The following PBLD variants were observed in gnomAD, a reference collection of about 807,000 sequenced individuals.
PBLD encodes phenazine biosynthesis-like domain-containing protein.
In PBLD, 26 loss-of-function variants were observed where a neutral mutation model predicts 31.3. The observed-to-expected ratio is 0.83, with a 90% CI of 0.61 to 1.15. PBLD has a LOEUF of 1.15. PBLD is among the 50% of genes most tolerant of loss of function. The probability of loss-of-function intolerance (pLI) is 0.00; values close to 1 mark genes in which losing one functional copy is unlikely to be tolerated. For missense variants in PBLD, 307 were observed against 351.7 expected (o/e 0.87, Z 1.02); for synonymous variants, 114 against 129.0 (o/e 0.88, Z 0.79).
chr10:68,295,494 G>GAAAAAA (rs11390819), intron 4 of PBLD, among the ~76,000 whole-genome samples: 1 of 127,630 alleles, frequency 7.8e-6, no homozygotes, highest in Non-Finnish European at 1.7e-5. Context: ...CCCCATCTCA[G>GAAAAAA]AAAAAAAAAA....
rs901797418 is a variant in PBLD at position 68,310,065 on chromosome 10, G to A, written c.-59-3162C>T. Among the ~76,000 whole-genome samples the A allele has an allele frequency of 5.4e-5, 8 of 149,512 alleles. 1 individual carries two copies. Among genetic ancestry groups the A allele is most frequent in the African/African-American group, 2.0e-4 (8 of 40,534 alleles). On this transcript the variant is annotated intron_variant, in intron 1 of 9. Coordinates refer to ENST00000358769, the MANE Select transcript of PBLD (RefSeq NM_022129.4). ...GCAGGAGAATTGCTTGAACCTGGGA[G>A]GCTGAGGTTGCAGTGAGCTGAGATT...
In PBLD at chr10:68,296,052, T is replaced by C. The variant is rs2120900; in HGVS notation, c.283+214A>G. 328,388 of 400,790 alleles carry C rather than the reference T, an allele frequency of 0.82. 135,541 individuals carry two copies. Among genetic ancestry groups the C allele is most frequent in the Middle Eastern group, 0.87 (1,327 of 1,526 alleles). 24.8% of individuals were successfully genotyped at this position (400,790 alleles called of 1,614,324 possible). On this transcript the variant is annotated intron_variant, in intron 4 of 9. Coordinates refer to ENST00000358769, the MANE Select transcript of PBLD (RefSeq NM_022129.4). The stretch of plus-strand genomic sequence containing the variant: ...AAAATAAAATAAAATAGCATTCTGA[T>C]CGCAGCTTTCCAATGATGCTGGGCA...
At chr10:68,324,594 AC>A (rs1336454382) in intron 1 of PBLD, among the ~76,000 whole-genome samples, 1 of 147,626 alleles carries the variant, frequency 6.8e-6, no homozygotes, top group African/African-American at 2.6e-5. Context: ...CCCAATATCT[AC>A]CCTCCACACT....
intron 1 of PBLD, chr10:68,331,391 CAG>C (rs948838341): frequency 6.6e-6 from 1 of 152,268 alleles, no homozygotes; most frequent in African/African-American, 2.4e-5. Context: ...GAAGGATTTG[CAG>C]AGAGAACGGT....
intron 1 of PBLD, among the ~76,000 whole-genome samples, chr10:68,325,202 C>T (rs1193260785): frequency 6.6e-6 from 1 of 152,024 alleles, no homozygotes; most frequent in Non-Finnish European, 1.5e-5. Flanking sequence ...TGAGACTGTG[C>T]CACTGCACTC....
intron 4 of PBLD, among the ~76,000 whole-genome samples, chr10:68,294,366 C>T (rs544597652): frequency 6.6e-6 from 1 of 152,278 alleles, no homozygotes; most frequent in Admixed American, 6.5e-5. Flanking sequence ...AAGGAAGTAC[C>T]ATAGGGTACA....
rs956837633 is a variant in PBLD at position 68,290,720 on chromosome 10, TA to T, written c.423+1289del. Among the ~76,000 whole-genome samples the T allele has an allele frequency of 3.3e-5, 5 of 150,568 alleles. No individual in the cohort carries two copies. In the East Asian group the frequency reaches 7.7e-4, roughly 23 times the overall value. ...CAACAAGAGCAAACTCCGTCTCAAA[TA>T]AAAAAAAAGGTTTAATTCTTGGCTG... On this transcript the variant is annotated intron_variant, in intron 6 of 9. Coordinates refer to ENST00000358769, the MANE Select transcript of PBLD (RefSeq NM_022129.4).
intron 1 of PBLD, among the ~76,000 whole-genome samples, chr10:68,309,392 G>C (rs901766469): frequency 1.0e-5 from 1 of 99,320 alleles, no homozygotes; most frequent in Non-Finnish European, 2.0e-5. Flanking sequence ...AGACAACAGA[G>C]TGAGATTATG....
At chr10:68,296,112 G>A (rs2044423205) in intron 4 of PBLD, 154 bp downstream of exon 4, 6 of 519,470 alleles carry the variant, frequency 1.2e-5, no homozygotes, top group Admixed American at 3.4e-5. Context: ...ATTGAAGGTC[G>A]CTGGTTTTGT....
At chr10:68,301,715 T>C (rs2044508354) in intron 2 of PBLD, among the ~76,000 whole-genome samples, 1 of 152,168 alleles carries the variant, frequency 6.6e-6, no homozygotes. Context: ...TCTTTAAAAG[T>C]ATTAAAACAT....
chr10:68,310,778 A>T (rs10762221), intron 1 of PBLD, among the ~76,000 whole-genome samples: 120,095 of 148,408 alleles, frequency 0.81, 50,000 homozygotes, highest in Non-Finnish European at 0.89. Flanking sequence ...AATGATGGGA[A>T]TTCTTTCTTC....
At chr10:68,307,293 G>T (rs946933669) in intron 1 of PBLD, among the ~76,000 whole-genome samples, 6 of 152,114 alleles carry the variant, frequency 3.9e-5, no homozygotes, top group African/African-American at 1.4e-4. Flanking sequence ...GCCTCAAAAA[G>T]TGCTGAGATT....
At chr10:68,286,509 T>A (rs1300676118) in intron 8 of PBLD, among the ~76,000 whole-genome samples, 2 of 152,156 alleles carry the variant, frequency 1.3e-5, no homozygotes, top group Non-Finnish European at 2.9e-5. Flanking sequence ...CTATTATTTT[T>A]AAATTTTTCT....
chr10:68,315,406 G>A (rs969176771), intron 1 of PBLD, among the ~76,000 whole-genome samples: 2 of 151,920 alleles, frequency 1.3e-5, no homozygotes, highest in African/African-American at 4.8e-5. Flanking sequence ...CCAACATGGT[G>A]AAACCCTGTC....
intron 2 of PBLD, 54 bp downstream of exon 2, chr10:68,306,707 G>A: frequency 6.7e-7 from 1 of 1,491,026 alleles, no homozygotes; most frequent in East Asian, 2.3e-5. Context: ...ATAAGTAATT[G>A]TTTCTACAGG....
chr10:68,300,496 C>A (rs1358483627), intron 2 of PBLD, among the ~76,000 whole-genome samples: 1 of 152,182 alleles, frequency 6.6e-6, no homozygotes, highest in Non-Finnish European at 1.5e-5. Flanking sequence ...CACGGCAACA[C>A]AACTAAGGGG....
At chr10:68,298,885 T>G (rs1194779156) in intron 2 of PBLD, among the ~76,000 whole-genome samples, 1 of 151,860 alleles carries the variant, frequency 6.6e-6, no homozygotes, top group Non-Finnish European at 1.5e-5. Flanking sequence ...GGCAGGTGGA[T>G]CACGAGGTCA....
chr10:68,325,181 T>C (rs1589676630), intron 1 of PBLD, among the ~76,000 whole-genome samples: 1 of 151,880 alleles, frequency 6.6e-6, no homozygotes, highest in African/African-American at 2.4e-5. Flanking sequence ...GAGGCGGAAG[T>C]TGCAGTGAGC....
intron 6 of PBLD, among the ~76,000 whole-genome samples, chr10:68,290,516 G>A (rs898781845): frequency 5.3e-5 from 8 of 152,098 alleles, no homozygotes; most frequent in Admixed American, 3.3e-4. Context: ...TCAGGAGTTC[G>A]AGACCAGCCT....
Sources: allele counts gnomAD v4.1 joint callset (sites outside exome capture counted in the v4.1 genomes callset), GRCh38; gene constraint gnomAD v4.1.1; transcripts MANE v1.5; gene names NCBI Gene and HGNC (gene_info 2026-07-23, HGNC 2026-07-21).